Variants in PICALM observed in about 807,000 individuals in gnomAD.
PICALM encodes the protein phosphatidylinositol-binding clathrin assembly protein.
A neutral mutation model predicts 80.5 loss-of-function variants in PICALM; 40 were observed. The ratio of observed to expected loss-of-function variants is 0.50; its 90% CI spans 0.39 to 0.65. The LOEUF is 0.65. Ranked by LOEUF, PICALM falls within the 30% of genes least tolerant of loss-of-function variation. The probability of loss-of-function intolerance (pLI) is 0.00; values close to 1 mark genes in which losing one functional copy is unlikely to be tolerated. For synonymous variants in PICALM, 288 were observed against 260.3 expected, an observed-to-expected ratio of 1.11 and a Z score of -1.02; for missense variants, 676 against 778.9, an observed-to-expected ratio of 0.87 and a Z score of 1.57.
chr11:85,960,548 A>AGAGGAG, intron 19 of PICALM: 1 of 389,470 alleles, frequency 2.6e-6, no homozygotes, highest in Admixed American at 3.6e-5. Context: ...GAATAGAGGA[A>AGAGGAG]GAGGAGGAGG....
rs137897720 is a variant in PICALM, at chr11:86,006,643, A to G, written c.807+899T>C. ...GCCTAGGCGACAATAGCAAAACTCT[A>G]TGTCAAAAAGAAACAACAACAAAAA... On this transcript the variant is annotated intron_variant, in intron 8 of 19. Coordinates refer to ENST00000393346, the MANE Select transcript of PICALM (RefSeq NM_007166.4). 1.8e-3 allele frequency among the ~76,000 whole-genome samples: 280 copies of G among 152,308 alleles called. 2 individuals carry two copies. The highest frequency in any genetic ancestry group is 6.5e-3 in the African/African-American group (270 of 41,574).
intron 19 of PICALM, among the ~76,000 whole-genome samples, chr11:85,966,244 T>C (rs1410334772): frequency 6.6e-6 from 1 of 152,072 alleles, no homozygotes; most frequent in Non-Finnish European, 1.5e-5. Flanking sequence ...TCTAGCTCTG[T>C]TGCCCAGGCT....
intron 4 of PICALM, among the ~76,000 whole-genome samples, chr11:86,018,863 T>G (rs1487911874): frequency 6.7e-6 from 1 of 149,764 alleles, no homozygotes; most frequent in African/African-American, 2.5e-5. Flanking sequence ...CACCCCAGCC[T>G]GGGTGATAGA....
chr11:86,031,507 G>C lies in PICALM; in HGVS notation c.235C>G (p.Leu79Val), dbSNP rs1468771678. The part of the protein sequence containing the change: ...NSSWVVVFKS[L>V]ITTHHLMVYG... ...ACCATCAAATGATGAGTTGTAATGAGAGATTTGAAGACCACCACCCAACTA... is the reference window on the plus strand; with the variant it reads ...ACCATCAAATGATGAGTTGTAATGACAGATTTGAAGACCACCACCCAACTA... Residue 79 changes from leucine to valine, a missense_variant, in exon 2 of 20, where the codon CTC (leucine) becomes GTC (valine). Leu to Val is a conservative substitution (Grantham distance 32, BLOSUM62 1). This residue lies in a region of PICALM where 285 missense variants were observed against 395.4 expected (regional missense o/e 0.72). Transcript: ENST00000393346. The C allele has an allele frequency of 1.2e-6, 2 of 1,612,768 alleles. No homozygotes were observed. Among genetic ancestry groups the C allele is most frequent in the South Asian group, 1.1e-5 (1 of 91,040 alleles).
At chr11:85,978,140 T>A in intron 17 of PICALM, 1 of 1,499,494 alleles carries the variant, frequency 6.7e-7, no homozygotes, top group Non-Finnish European at 9.3e-7. Flanking sequence ...AACACTGGAT[T>A]AGAACAAGTA....
At chr11:86,012,150 C>G (rs1383768938) in intron 6 of PICALM, 131 bp downstream of exon 6, 1 of 441,122 alleles carries the variant, frequency 2.3e-6, no homozygotes, top group East Asian at 3.4e-5. Context: ...ACTCTTTTCT[C>G]CAAATTAACT....
chr11:86,022,634 A>T (rs1185936241), intron 3 of PICALM, among the ~76,000 whole-genome samples, 165 bp from the exon 4 acceptor site: 1 of 152,138 alleles, frequency 6.6e-6, no homozygotes. Context: ...CTAATTAATA[A>T]CATTACCATT....
intron 13 of PICALM, among the ~76,000 whole-genome samples, chr11:85,987,979 A>G (rs557916378): frequency 6.6e-6 from 1 of 152,372 alleles, no homozygotes; most frequent in African/African-American, 2.4e-5. Context: ...CTAGGCTCCA[A>G]GCATATACCA....
chr11:86,017,274 G>A (rs1254428188), intron 4 of PICALM, among the ~76,000 whole-genome samples: 1 of 150,600 alleles, frequency 6.6e-6, no homozygotes, highest in Non-Finnish European at 1.5e-5. Context: ...TACCATGGTA[G>A]ATTCCAAATG....
rs1056694287 is a variant in PICALM at position 85,959,587 on chromosome 11, C to A, written c.1945-527G>T. Among the ~76,000 whole-genome samples the A allele has an allele frequency of 2.0e-4, 27 of 132,626 alleles. No individual in the cohort carries two copies. In the South Asian group the frequency reaches 4.9e-3, roughly 24 times the overall value. 87.0% of individuals were successfully genotyped at this position (132,626 alleles called of 152,430 possible). On this transcript the variant is annotated intron_variant, in intron 19 of 19. Transcript: ENST00000393346. ...GGTGGAGGTTGCAGTGAGCTGAGAT[C>A]GTGCCACTGCACTCCAGCCTGGGAG...
chr11:85,974,526 T>C lies in PICALM; in HGVS notation c.1944+182A>G, dbSNP rs552435820. 14 of 711,390 alleles carry C rather than the reference T, an allele frequency of 2.0e-5. No individual in the cohort carries two copies. In the African/African-American group the frequency reaches 2.4e-4, roughly 12 times the overall value. 44.1% of individuals were successfully genotyped at this position (711,390 alleles called of 1,614,324 possible). ...TTTAGTATTTGCTATCTACTTATCC[T>C]TTCCCTCCAAATAATCAATATTCCT... On this transcript the variant is annotated intron_variant, in intron 19 of 19. Coordinates refer to ENST00000393346, the MANE Select transcript of PICALM (RefSeq NM_007166.4).
chr11:86,055,395 T>C (rs1013968590), intron 1 of PICALM, among the ~76,000 whole-genome samples: 5 of 152,146 alleles, frequency 3.3e-5, no homozygotes, highest in Admixed American at 1.3e-4. Flanking sequence ...AAACAACTTA[T>C]TGATAGTCAT....
At position 85,960,836 on chromosome 11, in the gene PICALM, T is replaced by C. The variant is rs181792927; in HGVS notation, c.1945-1776A>G. On this transcript the variant is annotated intron_variant, in intron 19 of 19. Coordinates refer to ENST00000393346, the MANE Select transcript of PICALM (RefSeq NM_007166.4). ...AAAAAGATCTCAGAATGACAGAACA[T>C]GAAAGCAGAAAATGTATGAAAGAAG... 4,755 of 736,894 alleles carry C rather than the reference T, an allele frequency of 6.5e-3. 23 individuals carry two copies. The highest frequency in any genetic ancestry group is 8.3e-3 in the Non-Finnish European group (4,343 of 523,198). The allele number at this position is 736,894 out of a possible 1,614,324, so 45.6% of individuals were successfully genotyped here.
At chr11:86,011,184 A>C in intron 6 of PICALM, 48 bp from the exon 7 acceptor site, 2 of 818,186 alleles carry the variant, frequency 2.4e-6, no homozygotes, top group Non-Finnish European at 2.0e-6. Context: ...AAAATATAAC[A>C]CCCAAAAAAG....
intron 1 of PICALM, among the ~76,000 whole-genome samples, chr11:86,057,047 C>CT (rs2096280393): frequency 6.6e-6 from 1 of 152,096 alleles, no homozygotes. Context: ...TACAGGATCT[C>CT]TTTCTTGGGT....
At position 86,064,541 on chromosome 11, in the gene PICALM, G is replaced by A. The variant is rs116926403; in HGVS notation, c.130+4110C>T. ...CTGTGCGTGGTAGCAGATGCCTGTG[G>A]TCCCAGGTACTCAGAAAGATTGTCT... On this transcript the variant is annotated intron_variant, in intron 1 of 19. Coordinates refer to ENST00000393346, the MANE Select transcript of PICALM (RefSeq NM_007166.4). Among the ~76,000 whole-genome samples the A allele has an allele frequency of 8.2e-4, 124 of 151,546 alleles. 2 individuals carry two copies. The East Asian group carries it at 0.021, about 25-fold the overall frequency.
chr11:86,001,273 A>T, intron 9 of PICALM, 115 bp from the exon 10 acceptor site: 1 of 930,552 alleles, frequency 1.1e-6, no homozygotes, highest in Non-Finnish European at 1.7e-6. Context: ...TATAAACTTA[A>T]CTTCTGGATT....
chr11:86,034,496 T>C (rs534496549), intron 1 of PICALM, among the ~76,000 whole-genome samples: 2 of 152,322 alleles, frequency 1.3e-5, no homozygotes, highest in African/African-American at 4.8e-5. Flanking sequence ...GAAGATACTA[T>C]TTCTTAAAAA....
chr11:85,978,874 T>G (rs1159270597), intron 17 of PICALM, among the ~76,000 whole-genome samples: 1 of 152,212 alleles, frequency 6.6e-6, no homozygotes, highest in African/African-American at 2.4e-5. Context: ...TATATTTTAA[T>G]AGCAGCACTG....
Sources: gnomAD v4.1 joint callset for allele counts (sites outside exome capture counted in the v4.1 genomes callset) on GRCh38, gnomAD v4.1.1 for gene constraint, gnomAD v4.1.1 regional missense constraint, MANE v1.5 for transcripts, NCBI Gene and HGNC (gene_info 2026-07-23, HGNC 2026-07-21) for gene names.